ZNF438: variants seen among roughly 807,000 people sequenced by gnomAD.
ZNF438 encodes the protein zinc finger protein 438.
In ZNF438, 25 loss-of-function variants were observed where a neutral mutation model predicts 38.0. That is an observed-to-expected ratio of 0.66 (90% CI 0.48 to 0.92). The LOEUF (loss-of-function observed/expected upper bound fraction) is 0.92. Ranked by LOEUF, ZNF438 falls within the 40% of genes least tolerant of loss-of-function variation. The pLI is 0.00. For missense variants in ZNF438, 1,007 were observed against 999.6 expected (o/e 1.01, Z -0.10); for synonymous variants, 372 against 364.1 (o/e 1.02, Z -0.25).
chr10:31,006,670 G>A (rs561538785), intron 1 of ZNF438, among the ~76,000 whole-genome samples: 68 of 151,358 alleles, frequency 4.5e-4, no homozygotes, highest in African/African-American at 1.6e-3. Flanking sequence ...GTGAGACTGA[G>A]GCCTGAAGAT....
Position 30,889,567 on chromosome 10 carries a change from G to A in ZNF438, c.-31-12502C>T, listed in dbSNP as rs192497422. 1.2e-4 allele frequency among the ~76,000 whole-genome samples: 18 copies of A among 152,214 alleles called. No homozygotes were observed. The East Asian group carries it at 2.7e-3, about 23-fold the overall frequency. The stretch of plus-strand genomic sequence containing the variant: ...ATTACAGGCGTGTGCCACCACATGC[G>A]GCTCCTGTTTGTGTTTTTAGTAGAG... On this transcript the variant is annotated intron_variant, in intron 3 of 5. Transcript: ENST00000413025.
At position 30,924,803 on chromosome 10, in the gene ZNF438, T is replaced by C. The variant is rs61843630; in HGVS notation, c.-114-15788A>G. On this transcript the variant is annotated intron_variant, in intron 2 of 5. Coordinates refer to ENST00000413025, the Ensembl canonical transcript of ZNF438. Reference sequence around the variant, plus strand: ...GATATGGCTATTGAATGCAATGTGGTATCCTGGGTTAGATCCTGCAATGAA... The same window carrying C: ...GATATGGCTATTGAATGCAATGTGGCATCCTGGGTTAGATCCTGCAATGAA... Among the ~76,000 whole-genome samples the C allele has an allele frequency of 4.1e-3, 617 of 152,280 alleles. 1 individual carries two copies. Among genetic ancestry groups the C allele is most frequent in the Middle Eastern group, 0.014 (4 of 294 alleles).
chr10:30,942,705 T>C (rs1327919590), intron 1 of ZNF438, among the ~76,000 whole-genome samples: 2 of 151,490 alleles, frequency 1.3e-5, no homozygotes, highest in South Asian at 2.1e-4. Flanking sequence ...TATCCTGTCC[T>C]AGAATTTCGT....
At chr10:30,958,737 A>G (rs2049142641) in intron 1 of ZNF438, among the ~76,000 whole-genome samples, 1 of 146,592 alleles carries the variant, frequency 6.8e-6, no homozygotes, top group Non-Finnish European at 1.5e-5. Context: ...TCCAACCCCT[A>G]GTTCCCCTCT....
Position 30,848,561 on chromosome 10 carries a change from C to T in ZNF438, c.1844G>A (p.Ser615Asn), listed in dbSNP as rs540385975. ...CAATGATCCCTCCATGCCTCGCACA[C>T]TCATGTCTCTGTTCTTTGGTATGTC... Residue 615 changes from serine to asparagine, a missense_variant, in exon 5 of 6, where the codon AGT (serine) becomes AAT (asparagine). Ser to Asn is a conservative substitution (Grantham distance 46, BLOSUM62 1). Coordinates refer to ENST00000413025, the Ensembl canonical transcript of ZNF438. The T allele has an allele frequency of 2.5e-6, 4 of 1,613,794 alleles. No individual in the cohort carries two copies. In the East Asian group the frequency reaches 8.9e-5, roughly 36 times the overall value.
At chr10:30,856,441 C>T (rs904685399) in intron 4 of ZNF438, among the ~76,000 whole-genome samples, 4 of 152,034 alleles carry the variant, frequency 2.6e-5, no homozygotes, top group South Asian at 2.1e-4. Context: ...CTGAAAATGC[C>T]ATTAAGTTTT....
At chr10:30,904,724 G>C (rs1465038178) in intron 3 of ZNF438, among the ~76,000 whole-genome samples, 1 of 151,982 alleles carries the variant, frequency 6.6e-6, no homozygotes, top group Non-Finnish European at 1.5e-5. Context: ...TCCATTTCCT[G>C]AACACCCCAT....
At chr10:30,850,328 T>C (rs1388674753) in exon 5 of ZNF438, 6 of 1,614,036 alleles carry the variant, frequency 3.7e-6, no homozygotes, top group African/African-American at 1.3e-5. Flanking sequence ...CTGCAAACCT[T>C]TCCTACTCTG....
intron 2 of ZNF438, among the ~76,000 whole-genome samples, chr10:30,930,267 G>A (rs1024543780): frequency 1.3e-5 from 2 of 152,132 alleles, no homozygotes; most frequent in African/African-American, 4.8e-5. Context: ...CGACGTGGGT[G>A]GGCTGGCAGT....
At chr10:30,911,085 T>A (rs968134265) in intron 2 of ZNF438, among the ~76,000 whole-genome samples, 1 of 152,088 alleles carries the variant, frequency 6.6e-6, no homozygotes, top group African/African-American at 2.4e-5. Context: ...GGAAAATCAC[T>A]CTCTTGGCAC....
intron 2 of ZNF438, among the ~76,000 whole-genome samples, chr10:30,924,286 C>T (rs557912620): frequency 6.6e-6 from 1 of 152,244 alleles, no homozygotes; most frequent in South Asian, 2.1e-4. Context: ...GGTGCTGCAG[C>T]CGAGGAGATG....
intron 1 of ZNF438, among the ~76,000 whole-genome samples, chr10:30,956,770 A>G (rs1275391850): frequency 1.3e-5 from 2 of 152,096 alleles, no homozygotes; most frequent in Admixed American, 1.3e-4. Context: ...GACATATTTT[A>G]TTTATCCATT....
intron 5 of ZNF438, among the ~76,000 whole-genome samples, chr10:30,846,038 T>C (rs1390483973): frequency 6.6e-6 from 1 of 152,202 alleles, no homozygotes. Context: ...AAATAAAGGG[T>C]GCCTACCCTA....
intron 4 of ZNF438, among the ~76,000 whole-genome samples, chr10:30,857,498 A>C (rs972549627): frequency 6.6e-6 from 1 of 151,920 alleles, no homozygotes; most frequent in East Asian, 1.9e-4. Context: ...AAAGTGATCC[A>C]CCCGCCTTGG....
intron 3 of ZNF438, among the ~76,000 whole-genome samples, chr10:30,878,705 T>C (rs1178827467): frequency 6.6e-6 from 1 of 152,124 alleles, no homozygotes; most frequent in Non-Finnish European, 1.5e-5. Context: ...GAGGGCATTG[T>C]AGCATGCCCT....
chr10:30,894,520 G>A (rs751946275), intron 3 of ZNF438, among the ~76,000 whole-genome samples: 9 of 152,286 alleles, frequency 5.9e-5, no homozygotes, highest in Non-Finnish European at 1.0e-4. Context: ...TGTAAATGCT[G>A]GAGGACAGCG....
At chr10:30,889,434 T>C (rs865922114) in intron 3 of ZNF438, among the ~76,000 whole-genome samples, 3 of 152,174 alleles carry the variant, frequency 2.0e-5, no homozygotes, top group Non-Finnish European at 2.9e-5. Flanking sequence ...TCTCGTCTCC[T>C]GAGTCTCACT....
intron 1 of ZNF438, among the ~76,000 whole-genome samples, chr10:30,989,523 T>A (rs1387078532): frequency 6.6e-6 from 1 of 152,182 alleles, no homozygotes; most frequent in Non-Finnish European, 1.5e-5. Context: ...ATATCTTACA[T>A]CTCTTTGTAT....
At chr10:30,850,458 G>A (rs896212228) in intron 4 of ZNF438, 91 bp from the exon 6 acceptor site, 58 of 1,421,678 alleles carry the variant, frequency 4.1e-5, no homozygotes, top group Non-Finnish European at 4.3e-5. Context: ...ACTCTGCCCA[G>A]AACAGATTCC....
Sources: allele counts gnomAD v4.1 joint callset (sites outside exome capture counted in the v4.1 genomes callset), GRCh38; gene constraint gnomAD v4.1.1; transcripts MANE v1.5; gene names NCBI Gene and HGNC (gene_info 2026-07-23, HGNC 2026-07-21).